CAAP1: variants seen among roughly 807,000 people sequenced by gnomAD.
The protein encoded by CAAP1 is conserved anti-apoptotic protein.
CAAP1 carries 20 observed loss-of-function variants against 34.0 expected under a neutral mutation model. That is an observed-to-expected ratio of 0.59 (90% confidence interval 0.41 to 0.86). The LOEUF is 0.86. CAAP1 is among the 40% of genes least tolerant of loss of function. The pLI is 0.00. For missense variants in CAAP1, 538 were observed against 450.5 expected, an observed-to-expected ratio of 1.19 and a Z score of -1.76; for synonymous variants, 213 against 166.7, an observed-to-expected ratio of 1.28 and a Z score of -2.14.
At chr9:26,868,222 TTTGTGA>T (rs145155722) in intron 4 of CAAP1, among the ~76,000 whole-genome samples, 5,847 of 152,222 alleles carry the variant, frequency 0.038, 128 homozygotes, top group Middle Eastern at 0.068. Flanking sequence ...GGCAAAAAAC[TTTGTGA>T]TTGTGATTAA....
intron 4 of CAAP1, among the ~76,000 whole-genome samples, chr9:26,881,885 C>A (rs1272742618): frequency 6.6e-6 from 1 of 152,062 alleles, no homozygotes; most frequent in African/African-American, 2.4e-5. Flanking sequence ...ACAAGGAAAT[C>A]CAGGGTGTGG....
intron 4 of CAAP1, among the ~76,000 whole-genome samples, chr9:26,877,535 C>G (rs1823472064): frequency 6.6e-6 from 1 of 152,158 alleles, no homozygotes; most frequent in South Asian, 2.1e-4. Flanking sequence ...TTTCACCCAA[C>G]AAATGAATGG....
At chr9:26,879,483 G>A (rs1406134275) in intron 4 of CAAP1, among the ~76,000 whole-genome samples, 5 of 152,096 alleles carry the variant, frequency 3.3e-5, no homozygotes, top group African/African-American at 1.2e-4. Flanking sequence ...ATATACTTAG[G>A]TACTGTGATG....
Position 26,861,124 on chromosome 9 carries a change from T to C in CAAP1, c.681A>G (p.Ile227Met). 3.1e-6 allele frequency: 5 copies of C among 1,609,618 alleles called. No individual in the cohort carries two copies. Among genetic ancestry groups the C allele is most frequent in the Non-Finnish European group, 4.2e-6 (5 of 1,176,604 alleles). Residue 227 changes from isoleucine to methionine, a missense_variant, in exon 5 of 6, where the codon ATA (isoleucine) becomes ATG (methionine). Ile to Met is a conservative substitution (Grantham distance 10, BLOSUM62 1). Coordinates refer to ENST00000333916, the MANE Select transcript of CAAP1 (RefSeq NM_024828.4). Reference protein sequence around the residue: ...SDLVSQQDICIDSASSVRENK... With the variant: ...SDLVSQQDICMDSASSVRENK... ...TCTCTCTCACGGATGAAGCAGAATC[T>C]ATACAGATGTCTTGCCTGGGAAATG...
At chr9:26,848,400 C>T (rs1374933960) in intron 5 of CAAP1, among the ~76,000 whole-genome samples, 1 of 152,142 alleles carries the variant, frequency 6.6e-6, no homozygotes, top group Non-Finnish European at 1.5e-5. Context: ...CCTGTAGTCC[C>T]AGATACTCAG....
intron 4 of CAAP1, among the ~76,000 whole-genome samples, chr9:26,883,723 A>C (rs1367437714): frequency 6.6e-6 from 1 of 152,232 alleles, no homozygotes; most frequent in African/African-American, 2.4e-5. Flanking sequence ...TGGGGCAAAG[A>C]AATTTTTTAA....
rs1554652213 is a variant in CAAP1 at position 26,876,472 on chromosome 9, G to GGTT, written c.665+8337_665+8338insAAC. Among the ~76,000 whole-genome samples the GGTT allele has an allele frequency of 3.0e-3, 377 of 125,634 alleles. 8 individuals are homozygous for GGTT. Among genetic ancestry groups the GGTT allele is most frequent in the East Asian group, 0.019 (86 of 4,568 alleles). The allele number at this position is 125,634 out of a possible 152,430, so 82.4% of individuals were successfully genotyped here. A position where few individuals can be genotyped will look rare whatever the true frequency, so the allele number is the denominator to read the frequency against. On this transcript the variant is annotated intron_variant, in intron 4 of 5. Transcript: ENST00000333916. ...TTCTATCATATATGCATTCTAGAAG[G>GGTT]TTTTTTTTTTTTTTTTTTTGAGATT...
chr9:26,874,206 C>CCA (rs1491176938), intron 4 of CAAP1, among the ~76,000 whole-genome samples: 2 of 53,238 alleles, frequency 3.8e-5, no homozygotes, highest in African/African-American at 7.3e-5. Flanking sequence ...GACTCTGTCT[C>CCA]AAAAAAAAAA....
At chr9:26,860,038 A>C (rs1404177920) in intron 5 of CAAP1, among the ~76,000 whole-genome samples, 2 of 152,196 alleles carry the variant, frequency 1.3e-5, no homozygotes, top group Non-Finnish European at 2.9e-5. Flanking sequence ...AAATAAGTTC[A>C]TATGACTCAT....
In CAAP1 at chr9:26,849,372, C is replaced by T. The variant is rs889056579; in HGVS notation, c.740-6725G>A. Among the ~76,000 whole-genome samples, 11 of 152,310 alleles carry T rather than the reference C, an allele frequency of 7.2e-5. No individual in the cohort carries two copies. The East Asian group carries it at 1.9e-3, about 27-fold the overall frequency. Reference sequence around the variant, plus strand: ...AAATGGTATGTAGTATTTCAAACCCCATCTTAGTGAAGGAGCACAGTTAAT... The same window carrying T: ...AAATGGTATGTAGTATTTCAAACCCTATCTTAGTGAAGGAGCACAGTTAAT... On this transcript the variant is annotated intron_variant, in intron 5 of 5. Coordinates refer to ENST00000333916, the MANE Select transcript of CAAP1 (RefSeq NM_024828.4).
intron 4 of CAAP1, among the ~76,000 whole-genome samples, chr9:26,873,875 A>G (rs756371904): frequency 2.0e-5 from 3 of 152,176 alleles, no homozygotes; most frequent in Non-Finnish European, 4.4e-5. Flanking sequence ...CTAAGGTGAC[A>G]ATACCATTCC....
intron 1 of CAAP1, among the ~76,000 whole-genome samples, chr9:26,891,613 A>C (rs1315659020): frequency 6.6e-6 from 1 of 152,240 alleles, no homozygotes; most frequent in Non-Finnish European, 1.5e-5. Context: ...GAAAAATATA[A>C]TACAATACCA....
intron 5 of CAAP1, among the ~76,000 whole-genome samples, chr9:26,846,238 G>A (rs937319827): frequency 2.6e-5 from 4 of 151,838 alleles, no homozygotes; most frequent in African/African-American, 4.8e-5. Flanking sequence ...CCAAGATGGT[G>A]AAACCCCACC....
intron 5 of CAAP1, among the ~76,000 whole-genome samples, chr9:26,856,128 A>AT (rs1554650266): frequency 1.4e-5 from 2 of 146,092 alleles, no homozygotes; most frequent in East Asian, 4.2e-4. Context: ...TTTTTTTAAA[A>AT]GGGGGGGGGT....
At chr9:26,876,628 T>C (rs532694705) in intron 4 of CAAP1, among the ~76,000 whole-genome samples, 368 of 152,238 alleles carry the variant, frequency 2.4e-3, no homozygotes, top group Admixed American at 6.7e-3. Context: ...TGTACCACAA[T>C]TGTCTACAGT....
chr9:26,855,880 A>G (rs1269511945), intron 5 of CAAP1, among the ~76,000 whole-genome samples: 5 of 152,224 alleles, frequency 3.3e-5, no homozygotes, highest in Non-Finnish European at 2.9e-5. Context: ...TGTGACCTCC[A>G]AAGTAGATGC....
chr9:26,877,210 T>C (rs1039546183), intron 4 of CAAP1, among the ~76,000 whole-genome samples: 2 of 152,150 alleles, frequency 1.3e-5, no homozygotes, highest in African/African-American at 4.8e-5. Context: ...TCAAGATGTA[T>C]ATGAAACATA....
chr9:26,878,229 C>A (rs1329406179), intron 4 of CAAP1, among the ~76,000 whole-genome samples: 1 of 152,154 alleles, frequency 6.6e-6, no homozygotes, highest in African/African-American at 2.4e-5. Context: ...ATTGTTCATT[C>A]CTCTAACAGC....
intron 4 of CAAP1, among the ~76,000 whole-genome samples, chr9:26,879,265 C>T (rs1823525159): frequency 6.6e-6 from 1 of 152,126 alleles, no homozygotes; most frequent in African/African-American, 2.4e-5. Context: ...AAGGGCAAAA[C>T]TGCTGTTTAT....
Sources: allele counts gnomAD v4.1 joint callset (sites outside exome capture counted in the v4.1 genomes callset), GRCh38; gene constraint gnomAD v4.1.1; transcripts MANE v1.5; gene names NCBI Gene and HGNC (gene_info 2026-07-23, HGNC 2026-07-21).